Variants in CCR5AS observed in about 807,000 individuals in gnomAD.
CCR5AS encodes the protein CCR5 antisense RNA.
chr3:46,375,145 A>T (rs1701735240), intron 2 of CCR5AS: 1 of 167,086 alleles, frequency 6.0e-6, no homozygotes, highest in African/African-American at 2.4e-5. Context: ...GCTTGAACAC[A>T]GTCTCACCCA....
chr3:46,370,843 G>C (rs1271935483), intron 3 of CCR5AS: 2 of 152,024 alleles, frequency 1.3e-5, no homozygotes, highest in Non-Finnish European at 2.9e-5. Flanking sequence ...GATTCTTTTC[G>C]CCTTCAATAC....
At chr3:46,402,953 C>T (rs1351122220) in intron 1 of CCR5AS, among the ~76,000 whole-genome samples, 2 of 152,176 alleles carry the variant, frequency 1.3e-5, no homozygotes, top group African/African-American at 2.4e-5. Context: ...CATGTGTTCT[C>T]ATCATTTAGC....
intron 2 of CCR5AS, among the ~76,000 whole-genome samples, chr3:46,392,146 T>C (rs996721600): frequency 1.3e-5 from 2 of 152,122 alleles, no homozygotes; most frequent in Admixed American, 1.3e-4. Flanking sequence ...GAAAATAAGA[T>C]GTTTAGGTTT....
chr3:46,404,327 CTTTTTTT>C (rs10567130), intron 1 of CCR5AS, among the ~76,000 whole-genome samples: 12 of 75,926 alleles, frequency 1.6e-4, no homozygotes, highest in South Asian at 5.1e-4. Context: ...CTCTCTCTCT[CTTTTTTT>C]TTTTTTTTTT....
chr3:46,391,914 C>G (rs911449221), intron 2 of CCR5AS, among the ~76,000 whole-genome samples: 4 of 152,060 alleles, frequency 2.6e-5, no homozygotes, highest in Admixed American at 6.5e-5. Flanking sequence ...AAGGAACAGA[C>G]AGGAGAGAAA....
At chr3:46,387,900 A>G (rs112359020) in intron 2 of CCR5AS, among the ~76,000 whole-genome samples, 29,416 of 151,994 alleles carry the variant, frequency 0.19, 3,666 homozygotes, top group African/African-American at 0.35. Context: ...CAAGGTGCTC[A>G]GTGGGGAGCT....
At chr3:46,392,931 G>A (rs899559769) in exon 2 of CCR5AS, 1 of 173,186 alleles carries the variant, frequency 5.8e-6, no homozygotes, top group Admixed American at 6.4e-5. Context: ...ATCTCCCGAA[G>A]GAGTCACCCT....
intron 2 of CCR5AS, chr3:46,374,893 A>C (rs889673627): frequency 6.0e-6 from 1 of 167,358 alleles, no homozygotes; most frequent in Non-Finnish European, 1.5e-5. Context: ...GATGGGAAGG[A>C]GGGAGGTATT....
intron 2 of CCR5AS, among the ~76,000 whole-genome samples, chr3:46,392,153 G>A (rs575975170): frequency 2.0e-5 from 3 of 152,280 alleles, no homozygotes; most frequent in Admixed American, 2.0e-4. Context: ...AGATGTTTAG[G>A]TTTTTAAAAG....
intron 1 of CCR5AS, among the ~76,000 whole-genome samples, chr3:46,394,836 C>T (rs1479026466): frequency 1.3e-5 from 2 of 152,094 alleles, no homozygotes; most frequent in Non-Finnish European, 2.9e-5. Context: ...AGAAATGGGG[C>T]TGGAACCTGG....
At chr3:46,383,266 C>G (rs1272885265) in intron 2 of CCR5AS, among the ~76,000 whole-genome samples, 2 of 152,184 alleles carry the variant, frequency 1.3e-5, no homozygotes, top group Admixed American at 1.3e-4. Flanking sequence ...CTTTTGAAAG[C>G]CTTTTAGGGT....
chr3:46,396,401 CATT>C (rs1701962442), intron 1 of CCR5AS, among the ~76,000 whole-genome samples: 1 of 152,142 alleles, frequency 6.6e-6, no homozygotes, highest in African/African-American at 2.4e-5. Flanking sequence ...GGTCTTGTGA[CATT>C]GTGGCTTTAG....
chr3:46,368,483 C>G (rs1332000168), intron 3 of CCR5AS, among the ~76,000 whole-genome samples: 3 of 152,116 alleles, frequency 2.0e-5, no homozygotes, highest in African/African-American at 4.8e-5. Flanking sequence ...TGGGCTGAAC[C>G]CCCCTGTCCT....
chr3:46,368,355 C>A (rs1255093732), intron 3 of CCR5AS, among the ~76,000 whole-genome samples: 1 of 152,208 alleles, frequency 6.6e-6, no homozygotes, highest in Non-Finnish European at 1.5e-5. Context: ...TAGCAGACAC[C>A]AAGCAACTAA....
At chr3:46,379,907 A>AATAC (rs999911599) in intron 2 of CCR5AS, among the ~76,000 whole-genome samples, 18 of 148,888 alleles carry the variant, frequency 1.2e-4, no homozygotes, top group African/African-American at 4.2e-4. Flanking sequence ...AAAATAAATA[A>AATAC]ATAAATAAAT....
chr3:46,402,485 T>A (rs189081568), intron 1 of CCR5AS, among the ~76,000 whole-genome samples: 155 of 152,348 alleles, frequency 1.0e-3, no homozygotes, highest in African/African-American at 3.7e-3. Flanking sequence ...GAAGCAGTGG[T>A]ATTTAAAACT....
intron 1 of CCR5AS, among the ~76,000 whole-genome samples, chr3:46,394,109 G>C (rs1203308840): frequency 6.6e-6 from 1 of 152,162 alleles, no homozygotes; most frequent in African/African-American, 2.4e-5. Context: ...GTTCCACCAG[G>C]AGACATCAGT....
chr3:46,396,360 C>G (rs1202770096), intron 1 of CCR5AS, among the ~76,000 whole-genome samples: 2 of 152,132 alleles, frequency 1.3e-5, no homozygotes, highest in African/African-American at 4.8e-5. Flanking sequence ...ACGTGACTTC[C>G]TCCTTCAGTG....
chr3:46,393,456 GC>G (rs1318507824), intron 1 of CCR5AS, among the ~76,000 whole-genome samples: 5 of 87,612 alleles, frequency 5.7e-5, no homozygotes, highest in African/African-American at 5.1e-5. Context: ...GGGCAACAGA[GC>G]CACAAAAAAA....
Sources: allele counts gnomAD v4.1 joint callset (sites outside exome capture counted in the v4.1 genomes callset), GRCh38; gene constraint gnomAD v4.1.1; transcripts MANE v1.5; gene names NCBI Gene and HGNC (gene_info 2026-07-23, HGNC 2026-07-21).